The following UGT1A10 variants were observed in gnomAD, a reference collection of about 807,000 sequenced individuals.
UGT1A10 encodes UDP-glucuronosyltransferase 1A10.
In UGT1A10, 49 loss-of-function variants were observed where a neutral mutation model predicts 45.8. That is an observed-to-expected ratio of 1.07 (90% confidence interval 0.85 to 1.36). UGT1A10 has a LOEUF of 1.36. UGT1A10 is among the 40% of genes most tolerant of loss of function. UGT1A10 has a pLI of 0.00. For missense variants in UGT1A10, 745 were observed against 668.6 expected (o/e 1.11, Z -1.26); for synonymous variants, 284 against 249.7 (o/e 1.14, Z -1.29).
Position 233,754,628 on chromosome 2 carries a change from C to T in UGT1A10, c.856-12406C>T, listed in dbSNP as rs183484892. ...ACTCTCCATCTTCCTCCACTTCCAC[C>T]CTTTCTTGGCCATTCTCAATGATTC... On this transcript the variant is annotated intron_variant, in intron 1 of 4. Coordinates refer to ENST00000344644, the MANE Select transcript of UGT1A10 (RefSeq NM_019075.4). The T allele has an allele frequency of 4.7e-3, 2,102 of 443,188 alleles. 38 individuals are homozygous for T. The highest frequency in any genetic ancestry group is 0.023 in the South Asian group (1,446 of 63,040). 27.5% of individuals were successfully genotyped at this position (443,188 alleles called of 1,614,324 possible). A position where few individuals can be genotyped will look rare whatever the true frequency, so the allele number is the denominator to read the frequency against.
chr2:233,656,409 G>A (rs1330944741), intron 1 of UGT1A10, among the ~76,000 whole-genome samples: 2 of 152,218 alleles, frequency 1.3e-5, no homozygotes, highest in Admixed American at 6.5e-5. Context: ...GTGGCTTATG[G>A]AACAAGGAAT....
At chr2:233,690,626 G>A in intron 1 of UGT1A10, 4 of 1,288,804 alleles carry the variant, frequency 3.1e-6, no homozygotes, top group Non-Finnish European at 3.0e-6. Flanking sequence ...ACACTCAAGT[G>A]ATACCTGAGG....
intron 1 of UGT1A10, among the ~76,000 whole-genome samples, chr2:233,716,722 T>A (rs1048158654): frequency 6.6e-5 from 10 of 152,206 alleles, no homozygotes; most frequent in African/African-American, 2.2e-4. Context: ...AGTTCCAGTT[T>A]ATATGTTTAG....
intron 1 of UGT1A10, among the ~76,000 whole-genome samples, chr2:233,677,830 T>C (rs993863902): frequency 1.3e-5 from 2 of 151,152 alleles, no homozygotes; most frequent in African/African-American, 4.9e-5. Flanking sequence ...TTACTAGATA[T>C]ATGTAAAAAA....
intron 2 of UGT1A10, among the ~76,000 whole-genome samples, 198 bp downstream of exon 2, chr2:233,767,363 TTAAA>T (rs1699378447): frequency 6.6e-6 from 1 of 152,194 alleles, no homozygotes; most frequent in African/African-American, 2.4e-5. Context: ...AAATACTCTA[TTAAA>T]CTATGATCCA....
chr2:233,767,170 G>A lies in UGT1A10; in HGVS notation c.987+5G>A. 1.2e-6 allele frequency: 2 copies of A among 1,614,090 alleles called. No homozygotes were observed. Among genetic ancestry groups the A allele is most frequent in the South Asian group, 1.1e-5 (1 of 91,068 alleles). ...TTGGGCAAAATCCCTCAGACAGTAA[G>A]AAGATTCTATACCATGGCCTCATAT... is the stretch of plus-strand genomic sequence containing the variant. On this transcript the variant is annotated splice_donor_5th_base_variant and intron_variant, in intron 2 of 4. Transcript: ENST00000344644.
intron 1 of UGT1A10, among the ~76,000 whole-genome samples, chr2:233,756,699 T>C (rs1393034568): frequency 2.0e-5 from 3 of 152,130 alleles, no homozygotes; most frequent in Non-Finnish European, 4.4e-5. Flanking sequence ...ACGATGAATT[T>C]TGGGGGGACT....
At chr2:233,682,656 C>T (rs371311391) in intron 1 of UGT1A10, 32 of 1,613,804 alleles carry the variant, frequency 2.0e-5, no homozygotes, top group Non-Finnish European at 2.4e-5. Context: ...ACCCCTGTCA[C>T]GGCATATGAT....
intron 1 of UGT1A10, among the ~76,000 whole-genome samples, chr2:233,656,955 T>C (rs1159751268): frequency 6.6e-6 from 1 of 151,974 alleles, no homozygotes; most frequent in Admixed American, 6.5e-5. Context: ...TGAGTCTTCC[T>C]GAAACAGGTG....
chr2:233,672,707 T>C lies in UGT1A10; in HGVS notation c.855+35330T>C, dbSNP rs765305963. 132 of 1,613,858 alleles carry C rather than the reference T, an allele frequency of 8.2e-5. No homozygotes were observed. In the Middle Eastern group the frequency reaches 9.9e-4, roughly 12 times the overall value. ...ATTTGGTTGTTGCGAACGGACTTTG[T>C]TTTGGACTATCCCAAACCCGTGATG... On this transcript the variant is annotated intron_variant, in intron 1 of 4. Coordinates refer to ENST00000344644, the MANE Select transcript of UGT1A10 (RefSeq NM_019075.4).
rs1377722142 is a variant in UGT1A10 at position 233,725,198 on chromosome 2, AGAGGCAGAGGCAGAGGCAGAG to A, written c.856-41819_856-41799del. Reference sequence around the variant, plus strand: ...CGTGGGGAGAGGCAGAGGCAGAGGCAGAGGCAGAGGCAGAGGCAGAGGAGGCAGAGGCAGAGGAGGCAGAGG... The same window carrying A: ...CGTGGGGAGAGGCAGAGGCAGAGGCAGAGGCAGAGGCAGAGGAGGCAGAGG... On this transcript the variant is annotated intron_variant, in intron 1 of 4. Coordinates refer to ENST00000344644, the MANE Select transcript of UGT1A10 (RefSeq NM_019075.4). 4.5e-3 allele frequency among the ~76,000 whole-genome samples: 386 copies of A among 86,592 alleles called. 89 individuals carry two copies. Among genetic ancestry groups the A allele is most frequent in the African/African-American group, 0.033 (341 of 10,250 alleles). The allele number at this position is 86,592 out of a possible 152,430, so 56.8% of individuals were successfully genotyped here. A position where few individuals can be genotyped will look rare whatever the true frequency, so the allele number is the denominator to read the frequency against.
intron 1 of UGT1A10, among the ~76,000 whole-genome samples, chr2:233,706,158 T>C (rs781682241): frequency 2.0e-5 from 3 of 152,190 alleles, no homozygotes; most frequent in Non-Finnish European, 4.4e-5. Context: ...GAGAACCTTC[T>C]AAATGTGGAA....
chr2:233,695,130 C>CT (rs71398796), intron 1 of UGT1A10, among the ~76,000 whole-genome samples: 83 of 138,832 alleles, frequency 6.0e-4, no homozygotes, highest in East Asian at 2.3e-3. Context: ...CTTTTCTTTT[C>CT]TTTTTTTTTT....
chr2:233,729,171 A>G, intron 1 of UGT1A10: 1 of 1,613,740 alleles, frequency 6.2e-7, no homozygotes, highest in Non-Finnish European at 8.5e-7. Context: ...TGGCCACAGG[A>G]CTGCTGCTTC....
intron 1 of UGT1A10, among the ~76,000 whole-genome samples, chr2:233,745,103 T>C (rs1575669883): frequency 2.6e-5 from 4 of 152,036 alleles, no homozygotes; most frequent in Middle Eastern, 3.4e-3. Flanking sequence ...CAAATATTTT[T>C]AATCTGCTGT....
At chr2:233,746,577 T>C (rs1395681338) in intron 1 of UGT1A10, among the ~76,000 whole-genome samples, 4 of 151,762 alleles carry the variant, frequency 2.6e-5, no homozygotes, top group Non-Finnish European at 4.4e-5. Context: ...CACCCTGTAA[T>C]TGCCTAGTTG....
chr2:233,718,785 G>C (rs544842461), intron 1 of UGT1A10: 6 of 1,613,086 alleles, frequency 3.7e-6, no homozygotes, highest in Admixed American at 1.7e-5. Context: ...GGCACAGCGT[G>C]GGGTGGACAG....
At position 233,636,654 on chromosome 2, in the gene UGT1A10, G is replaced by T. The variant is rs1425336962; in HGVS notation, c.132G>T (p.Val44=). ...DGSHWFTMQS[V]VEKLILRGHE... ...GTCACTGGTTCACCATGCAGTCGGT[G>T]GTGGAGAAACTTATCCTCAGGGGGC... Residue 44 remains valine (V), a synonymous_variant, in exon 1 of 5, where the codon GTG becomes GTT. Coordinates refer to ENST00000344644, the MANE Select transcript of UGT1A10 (RefSeq NM_019075.4). 1 of 1,614,162 alleles carries T rather than the reference G, an allele frequency of 6.2e-7. No individual in the cohort carries two copies. Among genetic ancestry groups the T allele is most frequent in the Non-Finnish European group, 8.5e-7 (1 of 1,180,028 alleles).
chr2:233,754,001 T>G (rs1457314312), intron 1 of UGT1A10, among the ~76,000 whole-genome samples: 1 of 152,230 alleles, frequency 6.6e-6, no homozygotes, highest in Non-Finnish European at 1.5e-5. Context: ...GTTTGGGTAA[T>G]TTGTTACAGC....
Sources: allele counts gnomAD v4.1 joint callset (sites outside exome capture counted in the v4.1 genomes callset), GRCh38; gene constraint gnomAD v4.1.1; transcripts MANE v1.5; gene names NCBI Gene and HGNC (gene_info 2026-07-23, HGNC 2026-07-21).